EIF4G3: variants seen among roughly 807,000 people sequenced by gnomAD.
The protein encoded by EIF4G3 is eukaryotic translation initiation factor 4 gamma 3.
In EIF4G3, 34 loss-of-function variants were observed where a neutral mutation model predicts 186.4. That is an observed-to-expected ratio of 0.18 (90% CI 0.14 to 0.24). EIF4G3 has a LOEUF of 0.24. EIF4G3 is among the 10% of genes least tolerant of loss of function. EIF4G3 has a pLI of 1.00. For missense variants in EIF4G3, 1,536 were observed against 1,948.5 expected (o/e 0.79, Z 3.99); for synonymous variants, 673 against 679.5 (o/e 0.99, Z 0.15).
chr1:20,839,276 C>T (rs1020934094), intron 30 of EIF4G3, among the ~76,000 whole-genome samples: 1 of 151,820 alleles, frequency 6.6e-6, no homozygotes, highest in African/African-American at 2.4e-5. Flanking sequence ...GGTGCCCAGC[C>T]TAATTTTCAT....
chr1:21,084,074 G>T (rs11584316), intron 3 of EIF4G3, among the ~76,000 whole-genome samples: 5,153 of 152,112 alleles, frequency 0.034, 292 homozygotes, highest in African/African-American at 0.12. Context: ...AGCAGCCACA[G>T]TGACCTTTTA....
chr1:20,979,134 C>T (rs1189415632), intron 10 of EIF4G3, among the ~76,000 whole-genome samples: 1 of 152,090 alleles, frequency 6.6e-6, no homozygotes, highest in Non-Finnish European at 1.5e-5. Flanking sequence ...TATTATTCAC[C>T]TTCCATGGAA....
chr1:21,056,098 C>T (rs2094550858), intron 3 of EIF4G3, among the ~76,000 whole-genome samples: 1 of 152,128 alleles, frequency 6.6e-6, no homozygotes, highest in Non-Finnish European at 1.5e-5. Flanking sequence ...AAAGGAAACA[C>T]CAATGAAAAA....
At chr1:20,876,532 T>C (rs940959006) in intron 20 of EIF4G3, among the ~76,000 whole-genome samples, 1 of 151,824 alleles carries the variant, frequency 6.6e-6, no homozygotes, top group South Asian at 2.1e-4. Flanking sequence ...ACTCATATTT[T>C]CATGTGATTT....
chr1:21,124,287 A>AAC, intron 2 of EIF4G3, among the ~76,000 whole-genome samples: 1 of 118,836 alleles, frequency 8.4e-6, no homozygotes. Flanking sequence ...CTCGGTCTCA[A>AAC]AGAAAAAAAA....
chr1:21,156,252 T>TA (rs2097659689), intron 2 of EIF4G3, among the ~76,000 whole-genome samples: 1 of 152,228 alleles, frequency 6.6e-6, no homozygotes, highest in Non-Finnish European at 1.5e-5. Context: ...CTGGATAGTT[T>TA]AAAGGTTGTG....
intron 15 of EIF4G3, 88 bp downstream of exon 15, chr1:20,904,795 A>C (rs1389397705): frequency 2.2e-6 from 2 of 897,234 alleles, no homozygotes; most frequent in African/African-American, 3.4e-5. Flanking sequence ...TTTTGCTTGG[A>C]AAACTATTTC....
In EIF4G3 at chr1:20,945,515, G is replaced by C. The variant is rs372125675; in HGVS notation, c.824-3185C>G. 2.5e-4 allele frequency among the ~76,000 whole-genome samples: 38 copies of C among 152,270 alleles called. 1 individual carries two copies. The South Asian group carries it at 7.9e-3, about 32-fold the overall frequency. The stretch of plus-strand genomic sequence containing the variant: ...CAGTCTTGCTCTGTCGCCTAGGCTG[G>C]AGTGCACTGGTGTGATCTCAGCTCA... On this transcript the variant is annotated intron_variant, in intron 13 of 36. Transcript: ENST00000602326.
chr1:21,117,624 T>C (rs2096847805), intron 2 of EIF4G3, among the ~76,000 whole-genome samples: 2 of 150,170 alleles, frequency 1.3e-5, no homozygotes, highest in African/African-American at 4.9e-5. Context: ...GAGAAAGGAC[T>C]AGTGCAAGCC....
intron 2 of EIF4G3, among the ~76,000 whole-genome samples, chr1:21,115,732 TA>T (rs1245893856): frequency 6.6e-6 from 1 of 152,114 alleles, no homozygotes; most frequent in Non-Finnish European, 1.5e-5. Flanking sequence ...TTGTTGTTTT[TA>T]AAGAAACAGA....
intron 3 of EIF4G3, among the ~76,000 whole-genome samples, chr1:21,061,985 G>A (rs2094942069): frequency 6.6e-6 from 1 of 151,608 alleles, no homozygotes; most frequent in Non-Finnish European, 1.5e-5. Context: ...GACCTCAAGT[G>A]ATCCATCCAC....
intron 14 of EIF4G3, among the ~76,000 whole-genome samples, chr1:20,941,068 A>G (rs569629686): frequency 6.6e-6 from 1 of 152,350 alleles, no homozygotes; most frequent in East Asian, 1.9e-4. Context: ...CTGGTCATGC[A>G]TAGAAGAGTT....
intron 14 of EIF4G3, among the ~76,000 whole-genome samples, 200 bp from the exon 15 acceptor site, chr1:20,905,171 GCTTT>G (rs1387134843): frequency 6.6e-6 from 1 of 152,224 alleles, no homozygotes; most frequent in Non-Finnish European, 1.5e-5. Flanking sequence ...CAAACTCGTA[GCTTT>G]CTAACCAGTG....
At chr1:21,091,327 T>C (rs928648229) in intron 2 of EIF4G3, among the ~76,000 whole-genome samples, 1 of 151,914 alleles carries the variant, frequency 6.6e-6, no homozygotes, top group Non-Finnish European at 1.5e-5. Context: ...AGCCGGCTAA[T>C]TTTTTGTATT....
At chr1:20,861,690 G>C (rs888909153) in intron 23 of EIF4G3, among the ~76,000 whole-genome samples, 1 of 152,190 alleles carries the variant, frequency 6.6e-6, no homozygotes, top group African/African-American at 2.4e-5. Flanking sequence ...CAAATTGCAA[G>C]TGGCTGGGCG....
chr1:20,833,771 T>C (rs573544830), intron 30 of EIF4G3, among the ~76,000 whole-genome samples: 1 of 152,276 alleles, frequency 6.6e-6, no homozygotes, highest in East Asian at 1.9e-4. Flanking sequence ...CTAAAAACTC[T>C]CAATAAATTA....
At chr1:20,945,196 G>T (rs1266466811) in intron 13 of EIF4G3, among the ~76,000 whole-genome samples, 1 of 151,498 alleles carries the variant, frequency 6.6e-6, no homozygotes, top group East Asian at 1.9e-4. Context: ...AAAAAGTTTG[G>T]CCATCTTTAG....
At chr1:20,858,129 G>C (rs559415505) in intron 24 of EIF4G3, among the ~76,000 whole-genome samples, 4 of 152,304 alleles carry the variant, frequency 2.6e-5, no homozygotes, top group African/African-American at 9.6e-5. Context: ...CTTCAGCTGT[G>C]CTCATCATGG....
intron 2 of EIF4G3, chr1:21,111,490 G>A (rs1489047435): frequency 2.5e-5 from 10 of 407,842 alleles, no homozygotes; most frequent in African/African-American, 8.3e-5. Context: ...TTTCCTTTCC[G>A]TGGACTATCC....
Sources: allele counts gnomAD v4.1 joint callset (sites outside exome capture counted in the v4.1 genomes callset), GRCh38; gene constraint gnomAD v4.1.1; transcripts MANE v1.5; gene names NCBI Gene and HGNC (gene_info 2026-07-23, HGNC 2026-07-21).